IRS2: variants seen among roughly 807,000 people sequenced by gnomAD.
IRS2 encodes the protein insulin receptor substrate 2.
IRS2 carries 28 observed loss-of-function variants against 70.9 expected under a neutral mutation model. The observed-to-expected ratio is 0.39, with a 90% CI of 0.29 to 0.54. The LOEUF (loss-of-function observed/expected upper bound fraction) is 0.54. Among genes scored for constraint, IRS2 ranks in the 20% least tolerant of loss-of-function variants. The pLI is 0.59. For missense variants in IRS2, 2,081 were observed against 2,024.1 expected (o/e 1.03, Z -0.54); for synonymous variants, 1,217 against 981.9 (o/e 1.24, Z -4.48).
chr13:109,776,968 C>G (rs1374969397), intron 1 of IRS2, among the ~76,000 whole-genome samples: 1 of 152,196 alleles, frequency 6.6e-6, no homozygotes, highest in Non-Finnish European at 1.5e-5. Context: ...TTTGGACATT[C>G]AGAAAATTTT....
intron 1 of IRS2, among the ~76,000 whole-genome samples, chr13:109,770,150 G>A (rs746731092): frequency 6.6e-5 from 10 of 152,172 alleles, no homozygotes; most frequent in Non-Finnish European, 1.5e-4. Flanking sequence ...GGCCAAGAGC[G>A]GCAAGCAGCC....
rs111537701 is a variant in IRS2 at position 109,780,513 on chromosome 13, A to G, written c.4012+1529T>C. ...ATCTTCTAGTATACGGTTTTAATAA[A>G]GGAAATAGCTTTTCTCTATTACACT... On this transcript the variant is annotated intron_variant, in intron 1 of 1. Transcript: ENST00000375856. Among the ~76,000 whole-genome samples the G allele has an allele frequency of 7.9e-5, 12 of 152,354 alleles. 1 individual carries two copies. Among genetic ancestry groups the G allele is most frequent in the African/African-American group, 2.9e-4 (12 of 41,578 alleles).
At chr13:109,761,513 G>A (rs1016212054) in intron 1 of IRS2, among the ~76,000 whole-genome samples, 3 of 151,560 alleles carry the variant, frequency 2.0e-5, no homozygotes, top group Non-Finnish European at 4.4e-5. Context: ...TTCAGTTGCA[G>A]GAGCAATTCT....
chr13:109,782,162 C>T lies in IRS2; in HGVS notation c.3892G>A (p.Gly1298Ser). The change falls in exon 1 of 2, where the codon GGC becomes AGC. Residue 1298 changes from glycine (G) to serine (S), a missense_variant. Transcript: ENST00000375856. ...RSLGGLISAVGVGSTGGGCGG... is the reference protein window; with the variant it reads ...RSLGGLISAVSVGSTGGGCGG... ...CACCCGCCGCCGGTGCTGCCGACGCCCACAGCGCTGATGAGACCCCCGAGG... is the reference window on the plus strand; with the variant it reads ...CACCCGCCGCCGGTGCTGCCGACGCTCACAGCGCTGATGAGACCCCCGAGG... 2.5e-6 allele frequency: 4 copies of T among 1,606,864 alleles called. No individual in the cohort carries two copies. The highest frequency in any genetic ancestry group is 1.3e-5 in the African/African-American group (1 of 74,946).
In IRS2 at chr13:109,783,174, TGAGCCCAGCGACGA is replaced by T. The variant is rs1877776590; in HGVS notation, c.2866_2879del (p.Ser956ArgfsTer30). 3 of 1,380,858 alleles carry T rather than the reference TGAGCCCAGCGACGA, an allele frequency of 2.2e-6. No homozygotes were observed. The highest frequency in any genetic ancestry group is 6.0e-5 in the East Asian group (2 of 33,466). The allele number at this position is 1,380,858 out of a possible 1,614,324, so 85.5% of individuals were successfully genotyped here. ...TGTCGCTGCTGGTGCCCGGGGTGCC[TGAGCCCAGCGACGA>T]GGCCGGGCTGCTGGCGGACAAGAGC... On this transcript the variant is annotated frameshift_variant, in exon 1 of 2. Transcript: ENST00000375856. LOFTEE classifies it high-confidence loss of function.
chr13:109,765,697 C>T (rs570294888), intron 1 of IRS2, among the ~76,000 whole-genome samples: 1 of 40,170 alleles, frequency 2.5e-5, no homozygotes, highest in East Asian at 7.6e-4. Flanking sequence ...CTCCAACTCC[C>T]CACCAAGCAT....
chr13:109,757,867 A>C (rs1356022823), intron 1 of IRS2, among the ~76,000 whole-genome samples: 1 of 152,160 alleles, frequency 6.6e-6, no homozygotes, highest in East Asian at 1.9e-4. Flanking sequence ...TTTTTAGTAG[A>C]GACGGGGTTT....
At position 109,785,961 on chromosome 13, in the gene IRS2, C is replaced by A. The variant is rs888735290; in HGVS notation, c.93G>T (p.Val31=). 1.0e-5 allele frequency: 15 copies of A among 1,498,356 alleles called. No individual in the cohort carries two copies. The highest frequency in any genetic ancestry group is 1.3e-5 in the Non-Finnish European group (15 of 1,129,724). 92.8% of individuals were successfully genotyped at this position (1,498,356 alleles called of 1,614,324 possible). Residue 31 remains valine (V), a synonymous_variant, in exon 1 of 2, where the codon GTG becomes GTT. Coordinates refer to ENST00000375856, the MANE Select transcript of IRS2 (RefSeq NM_003749.3). This position sits in a 1 kb window ranked among gnomAD's most constrained non-coding sequence, Gnocchi z 9.3. ...GCTTGCGCAGGTAGCCGCACTTGCGCACGCTGTGGTTGTTGTTGTTGTTGT... is the reference window on the plus strand; with the variant it reads ...GCTTGCGCAGGTAGCCGCACTTGCGAACGCTGTGGTTGTTGTTGTTGTTGT... ...NNNNNNNNHS[V]RKCGYLRKQK...
At chr13:109,778,829 A>T (rs1372064694) in intron 1 of IRS2, among the ~76,000 whole-genome samples, 1 of 152,234 alleles carries the variant, frequency 6.6e-6, no homozygotes, top group Non-Finnish European at 1.5e-5. Context: ...AATCACTAAA[A>T]AGGAATACTA....
intron 1 of IRS2, among the ~76,000 whole-genome samples, chr13:109,768,548 T>G (rs756019188): frequency 2.0e-5 from 3 of 152,252 alleles, no homozygotes; most frequent in Non-Finnish European, 4.4e-5. Flanking sequence ...TTTTTCTAAC[T>G]TCTATAATTT....
intron 1 of IRS2, among the ~76,000 whole-genome samples, chr13:109,778,467 G>GGCA (rs1877627216): frequency 6.6e-6 from 1 of 152,170 alleles, no homozygotes; most frequent in East Asian, 1.9e-4. Context: ...CTGCGAATAG[G>GGCA]GCAGCAGCAG....
rs2138930103 is a variant in IRS2 at position 109,782,586 on chromosome 13, C to T, written c.3468G>A (p.Thr1156=). 1 of 1,575,794 alleles carries T rather than the reference C, an allele frequency of 6.3e-7. No individual in the cohort carries two copies. The highest frequency in any genetic ancestry group is 8.6e-7 in the Non-Finnish European group (1 of 1,161,724). Residue 1156 remains threonine (T), a synonymous_variant, in exon 1 of 2, where the codon ACG becomes ACA. Transcript: ENST00000375856. ...AGGACGGGGACACGGGGGTGACCGT[C>T]GTGGTGGAGGAGAAGGTCTCGGAAC... ...RHSSETFSST[T]TVTPVSPSFA...
intron 1 of IRS2, among the ~76,000 whole-genome samples, chr13:109,763,000 T>C (rs1877259284): frequency 6.6e-6 from 1 of 152,206 alleles, no homozygotes; most frequent in African/African-American, 2.4e-5. Flanking sequence ...TAAAGTTTTA[T>C]TTGGGCACAG....
intron 1 of IRS2, among the ~76,000 whole-genome samples, chr13:109,758,565 T>G (rs1292905595): frequency 6.6e-6 from 1 of 152,094 alleles, no homozygotes; most frequent in African/African-American, 2.4e-5. Context: ...TTTAGGATGC[T>G]GTATCGCTGT....
chr13:109,772,706 T>G (rs1270404135), intron 1 of IRS2, among the ~76,000 whole-genome samples: 1 of 142,702 alleles, frequency 7.0e-6, no homozygotes, highest in Non-Finnish European at 1.5e-5. Context: ...TTTTTTTTTT[T>G]GAGACGGAGT....
Position 109,783,395 on chromosome 13 carries a change from C to G in IRS2, c.2659G>C (p.Ala887Pro). 6.7e-7 allele frequency: 1 copy of G among 1,482,290 alleles called. No homozygotes were observed. The highest frequency in any genetic ancestry group is 1.3e-5 in the South Asian group (1 of 76,544). The allele number at this position is 1,482,290 out of a possible 1,614,324, so 91.8% of individuals were successfully genotyped here. Residue 887 changes from alanine to proline, a missense_variant, in exon 1 of 2, where the codon GCG (alanine) becomes CCG (proline). Ala to Pro is a conservative substitution (Grantham distance 27). Around this residue, in one of 4 missense-constraint regions of IRS2, gnomAD observed 1,615 missense variants for 1,459.5 expected, o/e 1.11. Coordinates refer to ENST00000375856, the MANE Select transcript of IRS2 (RefSeq NM_003749.3). ...AGGGACAGGCGCGTGGGCCTCACCG[C>G]CCGGCCGCGCTGGCCCAAGAAGCCC... ...PEGFLGQRGR[A>P]VRPTRLSLEG...
Position 109,783,710 on chromosome 13 carries a change from C to T in IRS2, c.2344G>A (p.Asp782Asn), listed in dbSNP as rs1204032443. Residue 782 changes from aspartate (D) to asparagine (N), a missense_variant, in exon 1 of 2, where the codon GAC becomes AAC. Physicochemically the swap from Asp to Asn is conservative, Grantham distance 23 (BLOSUM62 1). Coordinates refer to ENST00000375856, the MANE Select transcript of IRS2 (RefSeq NM_003749.3). ...GGGTGCAGGGCTGCGGAGAAGAAGT[C>T]GGGCGGGGTGCCCGTGGTGACCGCG... ...SDAVTTGTPP[D>N]FFSAALHPGG... The T allele has an allele frequency of 1.3e-6, 2 of 1,569,822 alleles. No homozygotes were observed. Among genetic ancestry groups the T allele is most frequent in the Admixed American group, 1.9e-5 (1 of 54,020 alleles).
At position 109,783,929 on chromosome 13, in the gene IRS2, C is replaced by T. The variant is rs764963322; in HGVS notation, c.2125G>A (p.Gly709Arg). 6.5e-7 allele frequency: 1 copy of T among 1,539,458 alleles called. No homozygotes were observed. The highest frequency in any genetic ancestry group is 8.7e-7 in the Non-Finnish European group (1 of 1,144,180). Residue 709 changes from glycine to arginine, a missense_variant, in exon 1 of 2, where the codon GGG becomes AGG. Gly to Arg is a moderately radical substitution (Grantham distance 125). This residue lies in a region of IRS2 where 1,615 missense variants were observed against 1,459.5 expected (regional missense o/e 1.11). Coordinates refer to ENST00000375856, the MANE Select transcript of IRS2 (RefSeq NM_003749.3). ...CCCGCCGCAGAGGTGGGTGCTGGCC[C>T]CGCAGGCCCCGCAGAAGGCACGGCG... is the stretch of plus-strand genomic sequence containing the variant. ...AAAVPSAGPA[G>R]PAPTSAAGRT...
Position 109,755,460 on chromosome 13 carries a change from A to G in IRS2, c.*844T>C, listed in dbSNP as rs541184046. ...TGCAATGTGAAGTACCTACATAAACATCTACATCGAGAAGATTAAACAAGT... is the reference window on the plus strand; with the variant it reads ...TGCAATGTGAAGTACCTACATAAACGTCTACATCGAGAAGATTAAACAAGT... On this transcript the variant is annotated 3_prime_UTR_variant, in exon 2 of 2. Transcript: ENST00000375856. 1 of 220,390 alleles carries G rather than the reference A, an allele frequency of 4.5e-6. No homozygotes were observed. The highest frequency in any genetic ancestry group is 2.2e-5 in the African/African-American group (1 of 44,664). 13.7% of individuals were successfully genotyped at this position (220,390 alleles called of 1,614,324 possible). A position where few individuals can be genotyped will look rare whatever the true frequency, so the allele number is the denominator to read the frequency against.
Sources: allele counts gnomAD v4.1 joint callset (sites outside exome capture counted in the v4.1 genomes callset), GRCh38; gene constraint gnomAD v4.1.1; regional missense constraint gnomAD v4.1.1; non-coding constraint Gnocchi (gnomAD v3.1); transcripts MANE v1.5; gene names NCBI Gene and HGNC (gene_info 2026-07-23, HGNC 2026-07-21).